ST6GALNAC3: variants seen among roughly 807,000 people sequenced by gnomAD.
ST6GALNAC3 encodes alpha-N-acetylgalactosaminide alpha-2,6-sialyltransferase 3.
A neutral mutation model predicts 32.7 loss-of-function variants in ST6GALNAC3; 25 were observed. That is an observed-to-expected ratio of 0.76 (90% CI 0.56 to 1.07). The LOEUF is 1.07. Among genes scored for constraint, ST6GALNAC3 ranks in the 50% least tolerant of loss-of-function variants. The probability of loss-of-function intolerance (pLI) is 0.00; values close to 1 mark genes in which losing one functional copy is unlikely to be tolerated. For missense variants in ST6GALNAC3, 355 were observed against 382.4 expected, an observed-to-expected ratio of 0.93 and a Z score of 0.60; for synonymous variants, 129 against 133.1, an observed-to-expected ratio of 0.97 and a Z score of 0.21.
intron 1 of ST6GALNAC3, among the ~76,000 whole-genome samples, chr1:76,165,916 T>C (rs1652095918): frequency 6.6e-6 from 1 of 152,228 alleles, no homozygotes; most frequent in South Asian, 2.1e-4. Flanking sequence ...TATTAGACCT[T>C]TGTCAGATGC....
chr1:76,298,621 A>G lies in ST6GALNAC3; in HGVS notation c.19-15184A>G, dbSNP rs545440069. Among the ~76,000 whole-genome samples the G allele has an allele frequency of 3.2e-4, 48 of 152,212 alleles. No individual in the cohort carries two copies. The East Asian group carries it at 8.9e-3, about 28-fold the overall frequency. ...TGTCCCAGTGGGAGTGGTGTCTGGT[A>G]TCCCTTAGCAGAAGTATTTGTTTTC... On this transcript the variant is annotated intron_variant, in intron 1 of 4. Transcript: ENST00000328299.
chr1:76,484,253 G>C lies in ST6GALNAC3; in HGVS notation c.623+71836G>C, dbSNP rs1285824946. On this transcript the variant is annotated intron_variant, in intron 3 of 4. Transcript: ENST00000328299. The stretch of plus-strand genomic sequence containing the variant: ...CTTTAAAGTAGTTTTTTCCAATTCT[G>C]TGAAGAAAGTCATTTGTAGCTTAAT... Among the ~76,000 whole-genome samples, 7 of 152,256 alleles carry C rather than the reference G, an allele frequency of 4.6e-5. No homozygotes were observed. The South Asian group carries it at 1.0e-3, about 23-fold the overall frequency.
At chr1:76,400,553 A>C (rs945735267) in intron 2 of ST6GALNAC3, among the ~76,000 whole-genome samples, 3 of 152,144 alleles carry the variant, frequency 2.0e-5, no homozygotes, top group Admixed American at 6.6e-5. Flanking sequence ...TATAAGTGAG[A>C]TTGGGGACCA....
chr1:76,177,705 A>G (rs537967228), intron 1 of ST6GALNAC3, among the ~76,000 whole-genome samples: 36 of 152,316 alleles, frequency 2.4e-4, no homozygotes, highest in African/African-American at 8.4e-4. Flanking sequence ...CTGTCAGATG[A>G]TTCCCGAAGA....
intron 3 of ST6GALNAC3, chr1:76,576,854 GA>G (rs1316965315): frequency 7.7e-7 from 1 of 1,304,876 alleles, no homozygotes; most frequent in East Asian, 5.6e-5. Context: ...AGTACAGAGT[GA>G]CCATGCAGTG....
chr1:76,380,965 A>G (rs1470921576), intron 2 of ST6GALNAC3, among the ~76,000 whole-genome samples: 1 of 152,140 alleles, frequency 6.6e-6, no homozygotes, highest in Non-Finnish European at 1.5e-5. Flanking sequence ...AATTGTCACC[A>G]TGGTAGTAGT....
At chr1:76,577,874 T>C (rs1241953722) in intron 3 of ST6GALNAC3, among the ~76,000 whole-genome samples, 1 of 152,070 alleles carries the variant, frequency 6.6e-6, no homozygotes, top group Non-Finnish European at 1.5e-5. Flanking sequence ...AAAATTTCAA[T>C]ATGTTTAGTG....
At position 76,274,921 on chromosome 1, in the gene ST6GALNAC3, C is replaced by T. The variant is rs115767848; in HGVS notation, c.19-38884C>T. On this transcript the variant is annotated intron_variant, in intron 1 of 4. Transcript: ENST00000328299. Reference sequence around the variant, plus strand: ...GACCTGGCAGAAGACCATTTCTTCACTAGAAGTTGGAAAAATGTCACTCTC... The same window carrying T: ...GACCTGGCAGAAGACCATTTCTTCATTAGAAGTTGGAAAAATGTCACTCTC... 1.6e-3 allele frequency among the ~76,000 whole-genome samples: 237 copies of T among 152,310 alleles called. 2 individuals carry two copies. The highest frequency in any genetic ancestry group is 5.4e-3 in the African/African-American group (224 of 41,578).
rs554434608 is a variant in ST6GALNAC3 at position 76,334,369 on chromosome 1, AAATCACAACAGCATACAAT to A, written c.213+20375_213+20393del. ...CTCCATTTACCTTTTGCTTTTGTGG[AAATCACAACAGCATACAAT>A]AATCCAATGACAAATAGACCTTTTG... On this transcript the variant is annotated intron_variant, in intron 2 of 4. Transcript: ENST00000328299. 3.1e-4 allele frequency among the ~76,000 whole-genome samples: 47 copies of A among 152,334 alleles called. 1 individual carries two copies. The highest frequency in any genetic ancestry group is 1.1e-3 in the African/African-American group (44 of 41,580).
chr1:76,103,170 T>C (rs757889936), intron 1 of ST6GALNAC3, among the ~76,000 whole-genome samples: 16 of 151,832 alleles, frequency 1.1e-4, no homozygotes, highest in African/African-American at 1.7e-4. Flanking sequence ...TGAAGTTTTC[T>C]TTTTACATTT....
intron 3 of ST6GALNAC3, among the ~76,000 whole-genome samples, chr1:76,583,828 G>A (rs1646924633): frequency 6.6e-6 from 1 of 152,174 alleles, no homozygotes; most frequent in South Asian, 2.1e-4. Context: ...CCTACAATAT[G>A]ACATTTTTCA....
Position 76,631,087 on chromosome 1 carries a change from A to G in ST6GALNAC3, c.*2281A>G. 1 of 938,202 alleles carries G rather than the reference A, an allele frequency of 1.1e-6. No homozygotes were observed. The highest frequency in any genetic ancestry group is 1.3e-6 in the Non-Finnish European group (1 of 786,950). The allele number at this position is 938,202 out of a possible 1,614,324, so 58.1% of individuals were successfully genotyped here. A position where few individuals can be genotyped will look rare whatever the true frequency, so the allele number is the denominator to read the frequency against. On this transcript the variant is annotated 3_prime_UTR_variant, in exon 5 of 5. Coordinates refer to ENST00000328299, the MANE Select transcript of ST6GALNAC3 (RefSeq NM_152996.4). ...TGCCTCGTTGTAGCTTTCTCTGATGAAGACTTCTGCAGTATATTGTATCCC... is the reference window on the plus strand; with the variant it reads ...TGCCTCGTTGTAGCTTTCTCTGATGGAGACTTCTGCAGTATATTGTATCCC...
At chr1:76,496,921 G>C (rs2101712364) in intron 3 of ST6GALNAC3, among the ~76,000 whole-genome samples, 1 of 152,288 alleles carries the variant, frequency 6.6e-6, no homozygotes, top group African/African-American at 2.4e-5. Context: ...CTTCGGGTGG[G>C]AGCTTTGTCC....
intron 1 of ST6GALNAC3, among the ~76,000 whole-genome samples, chr1:76,226,255 A>G (rs963745484): frequency 6.6e-6 from 1 of 152,184 alleles, no homozygotes; most frequent in Non-Finnish European, 1.5e-5. Flanking sequence ...TCCTTTGACT[A>G]TCTCCTAAGG....
chr1:76,260,270 T>C (rs1658150207), intron 1 of ST6GALNAC3, among the ~76,000 whole-genome samples: 1 of 152,208 alleles, frequency 6.6e-6, no homozygotes, highest in South Asian at 2.1e-4. Context: ...CAAATGCCAT[T>C]TATTCATTGG....
intron 2 of ST6GALNAC3, among the ~76,000 whole-genome samples, chr1:76,345,221 C>G (rs1049809883): frequency 6.6e-6 from 1 of 152,158 alleles, no homozygotes; most frequent in African/African-American, 2.4e-5. Flanking sequence ...CTTCATTTGC[C>G]TCTTTACCTT....
chr1:76,151,046 A>G (rs1651007545), intron 1 of ST6GALNAC3, among the ~76,000 whole-genome samples: 1 of 152,196 alleles, frequency 6.6e-6, no homozygotes, highest in South Asian at 2.1e-4. Flanking sequence ...ATGACCTGAC[A>G]TGCTTAGCAT....
chr1:76,373,360 A>C (rs1650982423), intron 2 of ST6GALNAC3, among the ~76,000 whole-genome samples: 1 of 152,212 alleles, frequency 6.6e-6, no homozygotes, highest in Admixed American at 6.5e-5. Context: ...GAAGTAAACA[A>C]GTTAATATAT....
At chr1:76,379,395 CT>C in intron 2 of ST6GALNAC3, among the ~76,000 whole-genome samples, 1 of 152,244 alleles carries the variant, frequency 6.6e-6, no homozygotes, top group African/African-American at 2.4e-5. Context: ...CCAGGTTAGA[CT>C]TTTAACCTCA....
Sources: allele counts gnomAD v4.1 joint callset (sites outside exome capture counted in the v4.1 genomes callset), GRCh38; gene constraint gnomAD v4.1.1; transcripts MANE v1.5; gene names NCBI Gene and HGNC (gene_info 2026-07-23, HGNC 2026-07-21).